TMTC1: variants seen among roughly 807,000 people sequenced by gnomAD.
TMTC1 encodes protein O-mannosyl-transferase TMTC1.
A neutral mutation model predicts 104.8 loss-of-function variants in TMTC1; 73 were observed. That is an observed-to-expected ratio of 0.70 (90% CI 0.58 to 0.85). TMTC1 has a LOEUF of 0.85. Ranked by LOEUF, TMTC1 falls within the 40% of genes least tolerant of loss-of-function variation. The pLI is 0.00. For missense variants in TMTC1, 1,035 were observed against 1,096.1 expected (o/e 0.94, Z 0.79); for synonymous variants, 434 against 428.7 (o/e 1.01, Z -0.15).
chr12:29,526,664 C>T (rs1199458658), intron 11 of TMTC1, among the ~76,000 whole-genome samples: 1 of 152,036 alleles, frequency 6.6e-6, no homozygotes, highest in Admixed American at 6.5e-5. Flanking sequence ...TTCTGTGAAC[C>T]TCCTTGAAGA....
At chr12:29,688,337 C>T (rs762432146) in intron 5 of TMTC1, among the ~76,000 whole-genome samples, 1 of 152,182 alleles carries the variant, frequency 6.6e-6, no homozygotes, top group Non-Finnish European at 1.5e-5. Context: ...AACAATTGGT[C>T]GGAAATCTCA....
At chr12:29,639,516 G>C (rs956920967) in intron 5 of TMTC1, among the ~76,000 whole-genome samples, 1 of 152,210 alleles carries the variant, frequency 6.6e-6, no homozygotes, top group Non-Finnish European at 1.5e-5. Context: ...TGAGCAATTA[G>C]AACTTTGAAA....
chr12:29,577,735 T>C (rs1945863934), intron 8 of TMTC1, among the ~76,000 whole-genome samples: 2 of 152,152 alleles, frequency 1.3e-5, no homozygotes. Flanking sequence ...GGTGCTGAAA[T>C]ACTAACACTA....
chr12:29,697,074 T>G (rs1313093402), intron 5 of TMTC1, among the ~76,000 whole-genome samples: 2 of 152,214 alleles, frequency 1.3e-5, no homozygotes, highest in Non-Finnish European at 2.9e-5. Flanking sequence ...GTTTACCAAT[T>G]TATTCTCAGA....
intron 5 of TMTC1, among the ~76,000 whole-genome samples, chr12:29,679,161 A>G (rs1940829883): frequency 6.6e-6 from 1 of 152,192 alleles, no homozygotes. Context: ...CACTCATTAT[A>G]TATTACTAAC....
intron 5 of TMTC1, among the ~76,000 whole-genome samples, chr12:29,637,661 T>A (rs1451416098): frequency 1.3e-5 from 2 of 152,184 alleles, no homozygotes; most frequent in African/African-American, 2.4e-5. Flanking sequence ...TAAATTTTCA[T>A]TTTTATCGAG....
chr12:29,598,880 C>T (rs909386943), intron 7 of TMTC1, among the ~76,000 whole-genome samples: 1 of 152,194 alleles, frequency 6.6e-6, no homozygotes, highest in East Asian at 1.9e-4. Flanking sequence ...CAAACAAGGA[C>T]AATTTAACTT....
intron 7 of TMTC1, among the ~76,000 whole-genome samples, chr12:29,594,229 C>A (rs1220253657): frequency 6.6e-6 from 1 of 152,246 alleles, no homozygotes; most frequent in East Asian, 1.9e-4. Flanking sequence ...TCTTCTACAG[C>A]ACAGTCATCT....
chr12:29,508,829 CGGAATCCCAAAGGGCTG>C (rs1198548579), intron 17 of TMTC1, among the ~76,000 whole-genome samples: 2 of 152,076 alleles, frequency 1.3e-5, no homozygotes, highest in Non-Finnish European at 2.9e-5. Context: ...CTGCCTGCCT[CGGAATCCCAAAGGGCTG>C]GGATTACAGG....
At chr12:29,689,438 C>T (rs987618446) in intron 5 of TMTC1, among the ~76,000 whole-genome samples, 7 of 152,000 alleles carry the variant, frequency 4.6e-5, no homozygotes, top group South Asian at 4.1e-4. Flanking sequence ...CTCAGCCTCC[C>T]GAGTAGCTGG....
intron 5 of TMTC1, among the ~76,000 whole-genome samples, chr12:29,736,921 C>A (rs1234543514): frequency 1.3e-5 from 2 of 152,202 alleles, no homozygotes; most frequent in African/African-American, 4.8e-5. Flanking sequence ...ACACGTAAAG[C>A]AGTTCCACGA....
chr12:29,755,664 T>C, intron 4 of TMTC1, 45 bp downstream of exon 4: 3 of 1,534,420 alleles, frequency 2.0e-6, no homozygotes, highest in Non-Finnish European at 2.6e-6. Flanking sequence ...AATTTTTCTC[T>C]GCCCATGACA....
At chr12:29,541,388 C>G (rs1336976879) in intron 10 of TMTC1, among the ~76,000 whole-genome samples, 1 of 152,208 alleles carries the variant, frequency 6.6e-6, no homozygotes, top group East Asian at 1.9e-4. Context: ...TTTCCTTAGG[C>G]AAATTATCTG....
intron 8 of TMTC1, among the ~76,000 whole-genome samples, chr12:29,572,877 A>G (rs1945718519): frequency 6.6e-6 from 1 of 152,166 alleles, no homozygotes; most frequent in Non-Finnish European, 1.5e-5. Context: ...GAACCAGAGG[A>G]AAAAAAAGAT....
intron 5 of TMTC1, among the ~76,000 whole-genome samples, chr12:29,651,917 T>C (rs1165922410): frequency 6.8e-6 from 1 of 146,620 alleles, no homozygotes; most frequent in South Asian, 2.2e-4. Flanking sequence ...AAAAAAAAAA[T>C]TAGCCATTGA....
intron 5 of TMTC1, among the ~76,000 whole-genome samples, chr12:29,691,437 GAAT>G (rs1039490973): frequency 2.0e-5 from 3 of 152,100 alleles, no homozygotes; most frequent in African/African-American, 7.2e-5. Flanking sequence ...AGACTGATTT[GAAT>G]AATAATAAAA....
intron 2 of TMTC1, among the ~76,000 whole-genome samples, chr12:29,760,328 A>G (rs1338263545): frequency 6.6e-6 from 1 of 152,206 alleles, no homozygotes; most frequent in Non-Finnish European, 1.5e-5. Flanking sequence ...TTAAAAAGCC[A>G]GTTAATGAAT....
intron 14 of TMTC1, among the ~76,000 whole-genome samples, 167 bp downstream of exon 14, chr12:29,517,260 T>A (rs1207552648): frequency 1.3e-5 from 2 of 152,236 alleles, no homozygotes; most frequent in Non-Finnish European, 2.9e-5. Context: ...TGCAGTATTT[T>A]TGGTGTCCAT....
At chr12:29,545,825 C>T (rs1944928811) in intron 10 of TMTC1, among the ~76,000 whole-genome samples, 1 of 152,106 alleles carries the variant, frequency 6.6e-6, no homozygotes, top group African/African-American at 2.4e-5. Context: ...TGTCCCTGGG[C>T]TGATGATAAT....
Sources: gnomAD v4.1 joint callset for allele counts (sites outside exome capture counted in the v4.1 genomes callset) on GRCh38, gnomAD v4.1.1 for gene constraint, MANE v1.5 for transcripts, NCBI Gene and HGNC (gene_info 2026-07-23, HGNC 2026-07-21) for gene names.